The following SLC6A3 variants were observed in gnomAD, a reference collection of about 807,000 sequenced individuals.
The protein encoded by SLC6A3 is solute carrier family 6 member 3.
SLC6A3 carries 19 observed loss-of-function variants against 70.4 expected under a neutral mutation model. That is an observed-to-expected ratio of 0.27 (90% confidence interval 0.19 to 0.40). The LOEUF (loss-of-function observed/expected upper bound fraction) is 0.40. SLC6A3 is among the 10% of genes least tolerant of loss of function. SLC6A3 has a pLI of 1.00. For missense variants in SLC6A3, 613 were observed against 838.5 expected, an observed-to-expected ratio of 0.73 and a Z score of 3.32; for synonymous variants, 368 against 356.6, an observed-to-expected ratio of 1.03 and a Z score of -0.36.
At chr5:1,395,311 C>G (rs1490841327) in intron 14 of SLC6A3, among the ~76,000 whole-genome samples, 1 of 152,268 alleles carries the variant, frequency 6.6e-6, no homozygotes, top group Non-Finnish European at 1.5e-5. Context: ...TTTACACCAC[C>G]AGCAAATGTC....
At chr5:1,429,371 G>C (rs903256409) in intron 4 of SLC6A3, among the ~76,000 whole-genome samples, 1 of 152,232 alleles carries the variant, frequency 6.6e-6, no homozygotes, top group African/African-American at 2.4e-5. Context: ...CTCTTGAGCT[G>C]CCGCCAGCTA....
rs879898515 is a variant in SLC6A3, at chr5:1,411,143, G to A, written c.1269+100C>T. The A allele has an allele frequency of 1.0e-4, 85 of 831,036 alleles. No homozygotes were observed. The highest frequency in any genetic ancestry group is 1.5e-4 in the Non-Finnish European group (73 of 497,544). The allele number at this position is 831,036 out of a possible 1,614,324, so 51.5% of individuals were successfully genotyped here. A position where few individuals can be genotyped will look rare whatever the true frequency, so the allele number is the denominator to read the frequency against. ...AGGACAGGAGGTCTGGGGGCCGTACGTGAGCCCAGGGATCTTGCCTAGCCC... is the reference window on the plus strand; with the variant it reads ...AGGACAGGAGGTCTGGGGGCCGTACATGAGCCCAGGGATCTTGCCTAGCCC... On this transcript the variant is annotated intron_variant, in intron 9 of 14. Coordinates refer to ENST00000270349, the MANE Select transcript of SLC6A3 (RefSeq NM_001044.5). The surrounding 1 kb of genome is among the most constrained non-coding windows in gnomAD (Gnocchi z 6.5).
intron 6 of SLC6A3, among the ~76,000 whole-genome samples, chr5:1,418,900 A>G (rs571394184): frequency 6.8e-6 from 1 of 148,118 alleles, no homozygotes; most frequent in African/African-American, 2.5e-5. Context: ...CCTACCTATC[A>G]TTCATCCACC....
intron 3 of SLC6A3, among the ~76,000 whole-genome samples, chr5:1,439,186 C>G (rs1191179494): frequency 6.6e-6 from 1 of 152,150 alleles, no homozygotes; most frequent in Non-Finnish European, 1.5e-5. Flanking sequence ...ATATCAGGGA[C>G]CTGACGACGG....
chr5:1,420,499 C>T, intron 6 of SLC6A3, 70 bp downstream of exon 6: 1 of 1,579,720 alleles, frequency 6.3e-7, no homozygotes, highest in Middle Eastern at 1.7e-4. Flanking sequence ...CCCTGGCAGG[C>T]AATGCATATG....
chr5:1,395,797 G>A (rs781309151), intron 14 of SLC6A3, among the ~76,000 whole-genome samples: 1 of 152,246 alleles, frequency 6.6e-6, no homozygotes, highest in Non-Finnish European at 1.5e-5. Flanking sequence ...TGTGAGTCCT[G>A]TTCCCCCCAG....
At chr5:1,415,989 G>T (rs186558163) in intron 7 of SLC6A3, 109 bp downstream of exon 7, 3 of 822,764 alleles carry the variant, frequency 3.6e-6, no homozygotes, top group Admixed American at 1.9e-5. Context: ...ACAGGTTTGC[G>T]GGTTCAGTGG....
intron 4 of SLC6A3, 45 bp from the exon 5 acceptor site, chr5:1,422,059 C>A: frequency 6.3e-7 from 1 of 1,596,000 alleles, no homozygotes; most frequent in South Asian, 1.1e-5. Context: ...GGCTGTCAAC[C>A]CACCTGGAAC....
intron 6 of SLC6A3, among the ~76,000 whole-genome samples, chr5:1,419,703 C>T (rs1379680541): frequency 6.6e-6 from 1 of 152,180 alleles, no homozygotes; most frequent in Admixed American, 6.5e-5. Context: ...CTCTCTCTTC[C>T]TTGGCTCCCG....
rs543127986 is a variant in SLC6A3 at position 1,440,953 on chromosome 5, G to C, written c.418+406C>G. On this transcript the variant is annotated intron_variant, in intron 3 of 14. Coordinates refer to ENST00000270349, the MANE Select transcript of SLC6A3 (RefSeq NM_001044.5). ...ATGATGATGATAGATGGATGGATTA[G>C]GTAGATAGGTAGATAGATGGGTGAA... Among the ~76,000 whole-genome samples the C allele has an allele frequency of 8.5e-5, 13 of 152,286 alleles. No homozygotes were observed. In the South Asian group the frequency reaches 2.7e-3, roughly 32 times the overall value.
At chr5:1,422,880 G>A (rs374908039) in intron 4 of SLC6A3, among the ~76,000 whole-genome samples, 26 of 64,144 alleles carry the variant, frequency 4.1e-4, no homozygotes, top group East Asian at 1.3e-3. Context: ...GGTGCTGGGT[G>A]CCCACCGCTG....
Position 1,394,691 on chromosome 5 carries a change from T to C in SLC6A3, c.*44A>G, listed in dbSNP as rs1755670152. 1.3e-6 allele frequency: 2 copies of C among 1,594,976 alleles called. No homozygotes were observed. Among genetic ancestry groups the C allele is most frequent in the South Asian group, 1.1e-5 (1 of 90,754 alleles). ...GATTTCCTTGGTTTGTTCGTGTCTC[T>C]CCCATTGCAGGATGACTTCCTGGGG... On this transcript the variant is annotated 3_prime_UTR_variant, in exon 15 of 15. Coordinates refer to ENST00000270349, the MANE Select transcript of SLC6A3 (RefSeq NM_001044.5). This position sits in a 1 kb window ranked among gnomAD's most constrained non-coding sequence, Gnocchi z 4.7.
At position 1,438,437 on chromosome 5, in the gene SLC6A3, C is replaced by T. The variant is rs1007867852; in HGVS notation, c.418+2922G>A. Reference sequence around the variant, plus strand: ...AACACGATGATATGCCCACATCCGCCGGCTGCATTTCTTCAGAACGAGGTG... The same window carrying T: ...AACACGATGATATGCCCACATCCGCTGGCTGCATTTCTTCAGAACGAGGTG... On this transcript the variant is annotated intron_variant, in intron 3 of 14. Transcript: ENST00000270349. The surrounding 1 kb of genome is among the most constrained non-coding windows in gnomAD (Gnocchi z 6.5). Among the ~76,000 whole-genome samples, 2 of 152,228 alleles carry T rather than the reference C, an allele frequency of 1.3e-5. No individual in the cohort carries two copies. The highest frequency in any genetic ancestry group is 2.9e-5 in the Non-Finnish European group (2 of 68,044).
In SLC6A3 at chr5:1,438,930, G is replaced by A. The variant is rs1756902729; in HGVS notation, c.418+2429C>T. On this transcript the variant is annotated intron_variant, in intron 3 of 14. Coordinates refer to ENST00000270349, the MANE Select transcript of SLC6A3 (RefSeq NM_001044.5). The surrounding 1 kb of genome is among the most constrained non-coding windows in gnomAD (Gnocchi z 6.5). Reference sequence around the variant, plus strand: ...AGCATCCCAAGGCTCTGAGCCCTCAGATACTCTCCAACACGGACCACGGTG... The same window carrying A: ...AGCATCCCAAGGCTCTGAGCCCTCAAATACTCTCCAACACGGACCACGGTG... Among the ~76,000 whole-genome samples, 1 of 152,216 alleles carries A rather than the reference G, an allele frequency of 6.6e-6. No individual in the cohort carries two copies. The highest frequency in any genetic ancestry group is 2.4e-5 in the African/African-American group (1 of 41,448).
Position 1,405,694 on chromosome 5 carries a change from T to C in SLC6A3, c.1599+494A>G, listed in dbSNP as rs1373677483. 6.6e-6 allele frequency among the ~76,000 whole-genome samples: 1 copy of C among 152,172 alleles called. No individual in the cohort carries two copies. Among genetic ancestry groups the C allele is most frequent in the Non-Finnish European group, 1.5e-5 (1 of 68,016 alleles). On this transcript the variant is annotated intron_variant, in intron 12 of 14. Coordinates refer to ENST00000270349, the MANE Select transcript of SLC6A3 (RefSeq NM_001044.5). The surrounding 1 kb of genome is among the most constrained non-coding windows in gnomAD (Gnocchi z 5.3). Reference sequence around the variant, plus strand: ...CCTTGCCCGGTGGGCCCTGACTCGGTGGCGGATGACAGAAGCAAGTGCCTA... The same window carrying C: ...CCTTGCCCGGTGGGCCCTGACTCGGCGGCGGATGACAGAAGCAAGTGCCTA...
intron 3 of SLC6A3, among the ~76,000 whole-genome samples, chr5:1,441,077 A>G (rs896564975): frequency 6.6e-6 from 1 of 152,266 alleles, no homozygotes; most frequent in Admixed American, 6.5e-5. Context: ...TGGCAGATCC[A>G]TAGATAGACA....
At chr5:1,416,562 A>G in intron 6 of SLC6A3, 1 of 333,812 alleles carries the variant, frequency 3.0e-6, no homozygotes, top group Non-Finnish European at 5.8e-6. Context: ...AACCCTCGGA[A>G]CAGCACGGCC....
chr5:1,410,145 A>G (rs1315011584), intron 9 of SLC6A3, among the ~76,000 whole-genome samples: 2 of 152,176 alleles, frequency 1.3e-5, no homozygotes, highest in Non-Finnish European at 2.9e-5. Flanking sequence ...AAACAATGCC[A>G]CCCTGTCCAC....
rs2937647 is a variant in SLC6A3 at position 1,406,454 on chromosome 5, G to A, written c.1499-166C>T. On this transcript the variant is annotated intron_variant, in intron 11 of 14. Transcript: ENST00000270349. The surrounding 1 kb of genome is among the most constrained non-coding windows in gnomAD (Gnocchi z 8.8). ...AGGCCAGGCCACACCCCAGCCCACT[G>A]GGTGCCTCGCTGACGGGTGGGAGCC... Among the ~76,000 whole-genome samples, 672 of 152,216 alleles carry A rather than the reference G, an allele frequency of 4.4e-3. 5 individuals are homozygous for A. Among genetic ancestry groups the A allele is most frequent in the African/African-American group, 0.016 (651 of 41,522 alleles).
Sources: gnomAD v4.1 joint callset for allele counts (sites outside exome capture counted in the v4.1 genomes callset) on GRCh38, gnomAD v4.1.1 for gene constraint, Gnocchi (gnomAD v3.1) non-coding constraint, MANE v1.5 for transcripts, NCBI Gene and HGNC (gene_info 2026-07-23, HGNC 2026-07-21) for gene names.